Variants in LRRTM4 observed in about 807,000 individuals in gnomAD.
LRRTM4 encodes leucine-rich repeat transmembrane neuronal protein 4.
LRRTM4 carries 25 observed loss-of-function variants against 47.6 expected under a neutral mutation model. The observed-to-expected ratio is 0.53, with a 90% CI of 0.38 to 0.73. The LOEUF is 0.73. Among genes scored for constraint, LRRTM4 ranks in the 30% least tolerant of loss-of-function variants. The probability of loss-of-function intolerance (pLI) is 0.00; values close to 1 mark genes in which losing one functional copy is unlikely to be tolerated. For missense variants in LRRTM4, 638 were observed against 713.4 expected, an observed-to-expected ratio of 0.89 and a Z score of 1.20; for synonymous variants, 311 against 269.5, an observed-to-expected ratio of 1.15 and a Z score of -1.51.
At chr2:77,501,339 CAT>C (rs1678564690) in intron 3 of LRRTM4, among the ~76,000 whole-genome samples, 2 of 150,346 alleles carry the variant, frequency 1.3e-5, no homozygotes, top group African/African-American at 2.4e-5. Flanking sequence ...TATATGAATA[CAT>C]AGTCCATACG....
At chr2:76,854,094 T>C (rs867951962) in intron 3 of LRRTM4, among the ~76,000 whole-genome samples, 57 of 152,284 alleles carry the variant, frequency 3.7e-4, no homozygotes, top group South Asian at 1.2e-3. Context: ...TCCCCTTCTT[T>C]CCTGGCAACG....
chr2:76,816,643 TTAA>T (rs1470320885), intron 3 of LRRTM4, among the ~76,000 whole-genome samples: 1 of 151,824 alleles, frequency 6.6e-6, no homozygotes, highest in Non-Finnish European at 1.5e-5. Context: ...ACATATTTTC[TTAA>T]TAATTAGTTC....
intron 3 of LRRTM4, among the ~76,000 whole-genome samples, chr2:76,772,244 A>G (rs1673744024): frequency 6.6e-6 from 1 of 152,158 alleles, no homozygotes; most frequent in South Asian, 2.1e-4. Flanking sequence ...CCATCTATGA[A>G]CCAAGAGGGA....
chr2:77,135,824 T>C lies in LRRTM4; in HGVS notation c.1551+382494A>G, dbSNP rs578122534. On this transcript the variant is annotated intron_variant, in intron 3 of 3. Transcript: ENST00000409884. ...AATGTGAAAACCACAAGGAAATATATAGCAATTCAATGTAAGAAGAATGTA... is the reference window on the plus strand; with the variant it reads ...AATGTGAAAACCACAAGGAAATATACAGCAATTCAATGTAAGAAGAATGTA... 3.3e-5 allele frequency among the ~76,000 whole-genome samples: 5 copies of C among 152,170 alleles called. No individual in the cohort carries two copies. The South Asian group carries it at 6.2e-4, about 19-fold the overall frequency.
intron 3 of LRRTM4, among the ~76,000 whole-genome samples, chr2:77,325,154 A>G (rs1319017760): frequency 6.6e-6 from 1 of 152,142 alleles, no homozygotes; most frequent in Non-Finnish European, 1.5e-5. Context: ...ATACTCCCAG[A>G]CAATAATGAA....
At chr2:77,155,736 C>T (rs143800359) in intron 3 of LRRTM4, among the ~76,000 whole-genome samples, 13 of 151,870 alleles carry the variant, frequency 8.6e-5, no homozygotes, top group East Asian at 1.9e-4. Context: ...TGGAAGGTTA[C>T]GGGAGGGGGA....
chr2:76,961,329 A>G (rs72823119), intron 3 of LRRTM4, among the ~76,000 whole-genome samples: 20,886 of 151,196 alleles, frequency 0.14, 1,745 homozygotes, highest in Admixed American at 0.21. Context: ...CCCAACTGTT[A>G]CAATAAGGCT....
At chr2:77,104,755 T>C (rs1329807785) in intron 3 of LRRTM4, among the ~76,000 whole-genome samples, 1 of 152,126 alleles carries the variant, frequency 6.6e-6, no homozygotes, top group Non-Finnish European at 1.5e-5. Context: ...GTTTATTCAG[T>C]GCAGTCCAAT....
intron 3 of LRRTM4, among the ~76,000 whole-genome samples, chr2:77,453,468 C>G (rs1676345192): frequency 6.6e-6 from 1 of 152,140 alleles, no homozygotes; most frequent in Non-Finnish European, 1.5e-5. Context: ...GCGTGAGCTA[C>G]AGTGCCCAGA....
At chr2:76,986,539 T>C (rs576576969) in intron 3 of LRRTM4, among the ~76,000 whole-genome samples, 1 of 152,042 alleles carries the variant, frequency 6.6e-6, no homozygotes, top group East Asian at 1.9e-4. Flanking sequence ...ATGTAACTAA[T>C]GTGGCTAATC....
chr2:76,878,134 T>G (rs1299434633), intron 3 of LRRTM4, among the ~76,000 whole-genome samples: 1 of 152,240 alleles, frequency 6.6e-6, no homozygotes, highest in Non-Finnish European at 1.5e-5. Context: ...TTATTATATC[T>G]GTTACGATGA....
chr2:77,084,998 T>C (rs1680663041), intron 3 of LRRTM4, among the ~76,000 whole-genome samples: 1 of 152,170 alleles, frequency 6.6e-6, no homozygotes, highest in South Asian at 2.1e-4. Context: ...GTGAAAAAGC[T>C]TACAATGCTT....
intron 3 of LRRTM4, among the ~76,000 whole-genome samples, chr2:77,418,773 T>C (rs1212583454): frequency 6.6e-6 from 1 of 152,182 alleles, no homozygotes; most frequent in African/African-American, 2.4e-5. Flanking sequence ...CACATGACTT[T>C]GCACAAAGTC....
intron 3 of LRRTM4, among the ~76,000 whole-genome samples, chr2:76,872,323 A>C (rs1040420471): frequency 6.6e-6 from 1 of 152,118 alleles, no homozygotes; most frequent in Non-Finnish European, 1.5e-5. Flanking sequence ...ACAATAATCA[A>C]ATGGAGTGAA....
Position 76,793,456 on chromosome 2 carries a change from C to G in LRRTM4, c.1552-44540G>C, listed in dbSNP as rs368649899. ...AAGAATCAAGTATTTTTTTTTCAGA[C>G]TGACTTTGTTCTATCTACTTTAAGA... is the stretch of plus-strand genomic sequence containing the variant. On this transcript the variant is annotated intron_variant, in intron 3 of 3. Coordinates refer to ENST00000409884, the MANE Select transcript of LRRTM4 (RefSeq NM_001134745.3). 1.4e-4 allele frequency among the ~76,000 whole-genome samples: 21 copies of G among 151,974 alleles called. No individual in the cohort carries two copies. The South Asian group carries it at 4.4e-3, about 32-fold the overall frequency.
chr2:76,779,394 C>T (rs910709452), intron 3 of LRRTM4, among the ~76,000 whole-genome samples: 3 of 150,768 alleles, frequency 2.0e-5, no homozygotes, highest in African/African-American at 7.3e-5. Context: ...GTATGGGAGT[C>T]TAAGTCTCTT....
intron 3 of LRRTM4, among the ~76,000 whole-genome samples, chr2:77,102,078 T>C (rs529232143): frequency 1.3e-4 from 20 of 152,332 alleles, no homozygotes; most frequent in African/African-American, 2.6e-4. Flanking sequence ...TTCAGCAACA[T>C]TGGGCAACTG....
At chr2:77,272,299 C>T (rs1222034805) in intron 3 of LRRTM4, among the ~76,000 whole-genome samples, 2 of 151,856 alleles carry the variant, frequency 1.3e-5, no homozygotes, top group African/African-American at 4.8e-5. Flanking sequence ...ATGTCATGAA[C>T]AATAGAAAGA....
At chr2:76,833,950 A>G (rs1361916833) in intron 3 of LRRTM4, among the ~76,000 whole-genome samples, 1 of 151,570 alleles carries the variant, frequency 6.6e-6, no homozygotes, top group Non-Finnish European at 1.5e-5. Context: ...ATTTTTAAAA[A>G]GGATGTATAT....
Sources: allele counts gnomAD v4.1 joint callset (sites outside exome capture counted in the v4.1 genomes callset), GRCh38; gene constraint gnomAD v4.1.1; transcripts MANE v1.5; gene names NCBI Gene and HGNC (gene_info 2026-07-23, HGNC 2026-07-21).